GLOD5: variants seen among roughly 807,000 people sequenced by gnomAD.
The protein encoded by GLOD5 is glyoxalase domain containing 5.
Under a neutral mutation model 9.9 loss-of-function variants are expected in GLOD5, and 7 were observed. The observed-to-expected ratio is 0.71, with a 90% CI of 0.40 to 1.33. GLOD5 has a LOEUF of 1.33. GLOD5 is among the 40% of genes most tolerant of loss of function. GLOD5 has a pLI of 0.01. For synonymous variants in GLOD5, 49 were observed against 47.3 expected, an observed-to-expected ratio of 1.04 and a Z score of -0.14; for missense variants, 146 against 128.4, an observed-to-expected ratio of 1.14 and a Z score of -0.66.
chrX:48,772,962 G>A (rs1341037109), intron 3 of GLOD5, among the ~76,000 whole-genome samples: 1 of 110,677 alleles, frequency 9.0e-6, no homozygotes, highest in Non-Finnish European at 1.9e-5. Flanking sequence ...CAGGCCAGGC[G>A]CAGTGGTTCA....
Position 48,765,961 on chromosome X carries a change from A to G in GLOD5, c.190A>G (p.Met64Val), listed in dbSNP as rs781817808. Residue 64 changes from methionine to valine, a missense_variant, in exon 2 of 4, where the codon ATG becomes GTG. By Grantham distance (21) the Met-to-Val change is conservative. Transcript: ENST00000303227. ...TTCCAAGATCCTGGGCATGGAGGTC[A>G]TGACTTTTAAGGTAAGCACTTCCCC... ...FYSKILGMEV[M>V]TFKEDRKALC... 54 of 1,205,515 alleles carry G rather than the reference A, an allele frequency of 4.5e-5. No individual in the cohort carries two copies. The South Asian group carries it at 7.3e-4, about 16-fold the overall frequency.
chrX:48,771,180 A>T, intron 3 of GLOD5, 98 bp downstream of exon 3: 2 of 598,506 alleles, frequency 3.3e-6, no homozygotes, highest in South Asian at 8.0e-5. Context: ...ACAACCAGAT[A>T]ATGTCTGCAC....
At chrX:48,770,483 G>A (rs1322209031) in intron 2 of GLOD5, among the ~76,000 whole-genome samples, 1 of 111,079 alleles carries the variant, frequency 9.0e-6, no homozygotes, top group African/African-American at 3.3e-5. Flanking sequence ...AGCAATAAGG[G>A]CCAGCGCAGT....
At chrX:48,772,486 C>G (rs191152118) in intron 3 of GLOD5, among the ~76,000 whole-genome samples, 1 of 111,417 alleles carries the variant, frequency 9.0e-6, no homozygotes, top group African/African-American at 3.3e-5. Flanking sequence ...CTGTAGTGAG[C>G]TGTGATCGCA....
chrX:48,766,985 CAAAA>C lies in GLOD5; in HGVS notation c.201+1030_201+1033del, dbSNP rs782648787. ...TGGGTGACAGAGCAAGATTCCATCT[CAAAA>C]AAAAAAAAAAAAAAAACCAACATTG... On this transcript the variant is annotated intron_variant, in intron 2 of 3. Coordinates refer to ENST00000303227, the MANE Select transcript of GLOD5 (RefSeq NM_001080489.3). 0.013 allele frequency among the ~76,000 whole-genome samples: 39 copies of C among 3,021 alleles called. 3 individuals are homozygous for C. In the East Asian group the frequency reaches 0.23, roughly 18 times the overall value. The allele number at this position is 3,021 out of a possible 115,157, so 2.6% of individuals were successfully genotyped here. A position where few individuals can be genotyped will look rare whatever the true frequency, so the allele number is the denominator to read the frequency against.
chrX:48,766,794 A>C (rs1463272330), intron 2 of GLOD5, among the ~76,000 whole-genome samples: 1 of 103,736 alleles, frequency 9.6e-6, no homozygotes, highest in Non-Finnish European at 2.0e-5. Flanking sequence ...AAGCATTCTT[A>C]GTCATACGAA....
intron 1 of GLOD5, among the ~76,000 whole-genome samples, chrX:48,763,689 T>C (rs1292832092): frequency 8.9e-6 from 1 of 111,767 alleles, no homozygotes; most frequent in African/African-American, 3.2e-5. Context: ...CAAGACCCTG[T>C]CTCAAAAAGG....
chrX:48,770,751 C>T (rs1425107320), intron 2 of GLOD5, among the ~76,000 whole-genome samples, 176 bp from the exon 3 acceptor site: 3 of 111,795 alleles, frequency 2.7e-5, no homozygotes, highest in South Asian at 3.7e-4. Flanking sequence ...GAAATAAACT[C>T]GTACACTTGC....
chrX:48,763,738 A>G (rs2062602247), intron 1 of GLOD5, among the ~76,000 whole-genome samples: 1 of 112,111 alleles, frequency 8.9e-6, no homozygotes, highest in Non-Finnish European at 1.9e-5. Flanking sequence ...ATTTCAACAT[A>G]TGACTTTATT....
At chrX:48,763,739 T>A (rs2062602256) in intron 1 of GLOD5, among the ~76,000 whole-genome samples, 1 of 112,110 alleles carries the variant, frequency 8.9e-6, no homozygotes, top group Non-Finnish European at 1.9e-5. Context: ...TTTCAACATA[T>A]GACTTTATTT....
chrX:48,762,919 T>A (rs1299529722), intron 1 of GLOD5, among the ~76,000 whole-genome samples: 1 of 111,862 alleles, frequency 8.9e-6, no homozygotes, highest in Non-Finnish European at 1.9e-5. Flanking sequence ...GTCCTTGAAT[T>A]TGCAAGGATG....
chrX:48,764,379 T>C (rs2062603735), intron 1 of GLOD5, among the ~76,000 whole-genome samples: 1 of 111,373 alleles, frequency 9.0e-6, no homozygotes, highest in Non-Finnish European at 1.9e-5. Flanking sequence ...ATCAATCGTT[T>C]TATAGCACTT....
At position 48,771,071 on chromosome X, in the gene GLOD5, C is replaced by T. The variant is rs1557017332; in HGVS notation, c.346C>T (p.Gln116Ter). 1 of 1,184,636 alleles carries T rather than the reference C, an allele frequency of 8.4e-7. No homozygotes were observed. Among genetic ancestry groups the T allele is most frequent in the East Asian group, 3.0e-5 (1 of 32,902 alleles). The change falls in exon 3 of 4, where the codon CAG (glutamine) becomes TAG (stop). Residue 116 changes from glutamine to a stop codon, truncating the protein, a stop_gained. Transcript: ENST00000303227. LOFTEE classifies it high-confidence loss of function. ...ITEVPLEEMI[Q>*]HLKACDVPIE... ...AGAGGTGCCTTTGGAGGAAATGATC[C>T]AGCACCTCAAGGTGAGTGGGACTTC...
At chrX:48,769,966 T>G (rs1335653903) in intron 2 of GLOD5, among the ~76,000 whole-genome samples, 1 of 91,638 alleles carries the variant, frequency 1.1e-5, no homozygotes, top group Non-Finnish European at 2.1e-5. Flanking sequence ...AGAGCAAGAC[T>G]CTGTCTCAAA....
At chrX:48,770,462 G>A (rs2062619541) in intron 2 of GLOD5, among the ~76,000 whole-genome samples, 3 of 111,229 alleles carry the variant, frequency 2.7e-5, no homozygotes, top group Non-Finnish European at 5.7e-5. Context: ...GGAAGCAAGA[G>A]GAAGTGAATG....
Position 48,765,816 on chromosome X carries a change from CT to C in GLOD5, c.64-11del, listed in dbSNP as rs782283794. 9.0e-5 allele frequency: 105 copies of C among 1,170,070 alleles called. 1 individual carries two copies. The South Asian group carries it at 1.1e-3, about 12-fold the overall frequency. ...CAAGTGGCAATGTGGTCTCTTCTGACTTTTTTTTCTTTTTTTAGTCATGGAG... is the reference window on the plus strand; with the variant it reads ...CAAGTGGCAATGTGGTCTCTTCTGACTTTTTTTCTTTTTTTAGTCATGGAG... On this transcript the variant is annotated intron_variant, in intron 1 of 3. Transcript: ENST00000303227.
rs374572676 is a variant in GLOD5 at position 48,773,416 on chromosome X, C to G, written c.464C>G (p.Ser155Cys). Residue 155 changes from serine (S) to cysteine (C), a missense_variant, in exon 4 of 4, where the codon TCC (serine) becomes TGC (cysteine). Transcript: ENST00000303227. The part of the protein sequence containing the change: ...RDPDRNLIEV[S>C]NYISS Reference sequence around the variant, plus strand: ...CCCGACAGAAATCTGATTGAGGTGTCCAACTACATCTCCTCGTGATGGAGG... The same window carrying G: ...CCCGACAGAAATCTGATTGAGGTGTGCAACTACATCTCCTCGTGATGGAGG... The G allele has an allele frequency of 1.6e-5, 19 of 1,206,639 alleles. No individual in the cohort carries two copies. In the African/African-American group the frequency reaches 2.5e-4, roughly 16 times the overall value.
intron 2 of GLOD5, among the ~76,000 whole-genome samples, chrX:48,768,845 C>T (rs782579472): frequency 9.4e-4 from 104 of 110,078 alleles, no homozygotes; most frequent in African/African-American, 3.1e-3. Context: ...GCCTGGACAA[C>T]ATGCTGAAAC....
chrX:48,769,795 C>T (rs868966991), intron 2 of GLOD5, among the ~76,000 whole-genome samples: 7 of 104,392 alleles, frequency 6.7e-5, no homozygotes, highest in East Asian at 3.1e-4. Context: ...CTGGGCAACA[C>T]GGGGAGACCC....
Sources: gnomAD v4.1 joint callset for allele counts (sites outside exome capture counted in the v4.1 genomes callset) on GRCh38, gnomAD v4.1.1 for gene constraint, MANE v1.5 for transcripts, NCBI Gene and HGNC (gene_info 2026-07-23, HGNC 2026-07-21) for gene names.